EIF2B3: variants seen among roughly 807,000 people sequenced by gnomAD.
EIF2B3 encodes eukaryotic translation initiation factor 2B subunit gamma, also known as translation initiation factor eIF2B subunit gamma.
EIF2B3 carries 20 observed loss-of-function variants against 54.1 expected under a neutral mutation model. The ratio of observed to expected loss-of-function variants is 0.37; its 90% CI spans 0.26 to 0.54. EIF2B3 has a LOEUF of 0.54. EIF2B3 is among the 20% of genes least tolerant of loss of function. The pLI is 0.86. For missense variants in EIF2B3, 448 were observed against 547.8 expected (o/e 0.82, Z 1.82); for synonymous variants, 153 against 188.1 (o/e 0.81, Z 1.52).
At chr1:44,982,347 G>A (rs1318434966) in intron 1 of EIF2B3, among the ~76,000 whole-genome samples, 1 of 152,196 alleles carries the variant, frequency 6.6e-6, no homozygotes, top group East Asian at 1.9e-4. Flanking sequence ...TTGCCAGGCT[G>A]GAGTGCAATG....
At chr1:44,888,004 T>C (rs263961) in intron 6 of EIF2B3, among the ~76,000 whole-genome samples, 1 of 152,020 alleles carries the variant, frequency 6.6e-6, no homozygotes, top group Admixed American at 6.5e-5. Flanking sequence ...AAAGAAACAG[T>C]CTGCAGCACC....
intron 3 of EIF2B3, among the ~76,000 whole-genome samples, chr1:44,951,986 G>A (rs113496085): frequency 0.26 from 10,439 of 39,398 alleles, 1,348 homozygotes; most frequent in Middle Eastern, 0.35. Context: ...TTTTTGAGAC[G>A]GAGTCTCGCT....
intron 1 of EIF2B3, among the ~76,000 whole-genome samples, chr1:44,985,906 T>A (rs1277837492): frequency 6.6e-6 from 1 of 152,200 alleles, no homozygotes; most frequent in African/African-American, 2.4e-5. Flanking sequence ...GTATCAGAAT[T>A]GGTCTGTCAT....
intron 5 of EIF2B3, among the ~76,000 whole-genome samples, chr1:44,898,029 C>G (rs1324616605): frequency 6.6e-6 from 1 of 152,060 alleles, no homozygotes; most frequent in East Asian, 1.9e-4. Context: ...AGCCACCACA[C>G]CTGGCCTCTA....
intron 8 of EIF2B3, among the ~76,000 whole-genome samples, chr1:44,879,328 C>T (rs1321859716): frequency 6.6e-6 from 1 of 152,168 alleles, no homozygotes; most frequent in Non-Finnish European, 1.5e-5. Flanking sequence ...TAGCAAGAGA[C>T]TCCTCATTAA....
chr1:44,861,766 G>A (rs1654615034), intron 10 of EIF2B3, among the ~76,000 whole-genome samples: 1 of 152,020 alleles, frequency 6.6e-6, no homozygotes, highest in Admixed American at 6.6e-5. Flanking sequence ...GGAAAGCTGT[G>A]GGCTCTCCTG....
intron 1 of EIF2B3, among the ~76,000 whole-genome samples, chr1:44,984,198 T>C (rs2148967562): frequency 6.9e-6 from 1 of 145,560 alleles, no homozygotes; most frequent in African/African-American, 2.5e-5. Flanking sequence ...TAAAATAAAA[T>C]AAAAAAGAGC....
intron 8 of EIF2B3, among the ~76,000 whole-genome samples, chr1:44,877,193 A>T (rs796532651): frequency 0.01 from 625 of 60,050 alleles, 6 homozygotes; most frequent in African/African-American, 0.022. Context: ...AATGATCAAT[A>T]AAAAAAAAAA....
intron 10 of EIF2B3, among the ~76,000 whole-genome samples, chr1:44,861,108 C>A (rs1654598445): frequency 6.6e-6 from 1 of 152,242 alleles, no homozygotes; most frequent in South Asian, 2.1e-4. Context: ...AGAGACAGCA[C>A]TAGTTTGCCC....
At chr1:44,917,275 C>T (rs1282109338) in intron 5 of EIF2B3, among the ~76,000 whole-genome samples, 1 of 152,090 alleles carries the variant, frequency 6.6e-6, no homozygotes, top group Non-Finnish European at 1.5e-5. Flanking sequence ...GGGCCAATCA[C>T]CTGAGGTCAG....
chr1:44,980,192 C>T lies in EIF2B3; in HGVS notation c.148+829G>A, dbSNP rs146294558. ...ATTAAAACCTTTTCCTGGCCAGGCA[C>T]GGTGGCTCATGCCTGTAATCCCAGC... On this transcript the variant is annotated intron_variant, in intron 2 of 11. Transcript: ENST00000360403. Among the ~76,000 whole-genome samples, 29 of 152,104 alleles carry T rather than the reference C, an allele frequency of 1.9e-4. No homozygotes were observed. The East Asian group carries it at 5.0e-3, about 26-fold the overall frequency.
At chr1:44,955,363 A>T (rs1471349396) in intron 3 of EIF2B3, among the ~76,000 whole-genome samples, 2 of 152,216 alleles carry the variant, frequency 1.3e-5, no homozygotes, top group East Asian at 3.9e-4. Flanking sequence ...CAAAAATTAA[A>T]TCGAGATGGA....
intron 5 of EIF2B3, among the ~76,000 whole-genome samples, chr1:44,917,990 G>T (rs1643662089): frequency 6.7e-6 from 1 of 148,776 alleles, no homozygotes; most frequent in Non-Finnish European, 1.5e-5. Context: ...AGCCAGGATG[G>T]TCTCAATCTC....
chr1:44,974,407 G>A lies in EIF2B3; in HGVS notation c.294+3908C>T, dbSNP rs190215785. 8.6e-5 allele frequency among the ~76,000 whole-genome samples: 13 copies of A among 150,702 alleles called. No homozygotes were observed. In the East Asian group the frequency reaches 1.9e-3, roughly 23 times the overall value. ...AGGATCACCTGAGCCTGGGGAGGTC[G>A]AGGTTACAGTGAGCCGTGATCGAGC... On this transcript the variant is annotated intron_variant, in intron 3 of 11. Coordinates refer to ENST00000360403, the MANE Select transcript of EIF2B3 (RefSeq NM_020365.5).
At chr1:44,864,686 A>G (rs991272375) in intron 10 of EIF2B3, among the ~76,000 whole-genome samples, 2 of 152,124 alleles carry the variant, frequency 1.3e-5, no homozygotes, top group Non-Finnish European at 2.9e-5. Context: ...CCTTGGCTAT[A>G]TTATGTCTTC....
chr1:44,861,941 T>G (rs1166721532), intron 10 of EIF2B3, among the ~76,000 whole-genome samples: 1 of 152,038 alleles, frequency 6.6e-6, no homozygotes, highest in Non-Finnish European at 1.5e-5. Flanking sequence ...TTTGGAAAAA[T>G]TTCAACCCAA....
intron 10 of EIF2B3, among the ~76,000 whole-genome samples, chr1:44,870,755 T>C (rs1654940087): frequency 6.6e-6 from 1 of 151,866 alleles, no homozygotes; most frequent in African/African-American, 2.4e-5. Context: ...AGGGTTCAAG[T>C]GACCTTCCTG....
At chr1:44,974,870 A>G (rs952693904) in intron 3 of EIF2B3, among the ~76,000 whole-genome samples, 2 of 152,174 alleles carry the variant, frequency 1.3e-5, no homozygotes, top group African/African-American at 4.8e-5. Flanking sequence ...ACCAGTTACA[A>G]TATCATTAAA....
At chr1:44,926,569 TG>T in intron 5 of EIF2B3, 58 bp downstream of exon 5, 1 of 1,322,928 alleles carries the variant, frequency 7.6e-7, no homozygotes, top group Non-Finnish European at 1.1e-6. Flanking sequence ...ATCCACTGGG[TG>T]GTTTTATTTT....
Sources: gnomAD v4.1 joint callset for allele counts (sites outside exome capture counted in the v4.1 genomes callset) on GRCh38, gnomAD v4.1.1 for gene constraint, MANE v1.5 for transcripts, NCBI Gene and HGNC (gene_info 2026-07-23, HGNC 2026-07-21) for gene names.